LRP2: variants seen among roughly 807,000 people sequenced by gnomAD.
LRP2 encodes LDL receptor related protein 2, also known as low-density lipoprotein receptor-related protein 2.
LRP2 carries 172 observed loss-of-function variants against 531.0 expected under a neutral mutation model. That is an observed-to-expected ratio of 0.32 (90% CI 0.29 to 0.37). The LOEUF is 0.37. LRP2 is among the 10% of genes least tolerant of loss of function. LRP2 has a pLI of 1.00. For missense variants in LRP2, 5,167 were observed against 5,868.3 expected (o/e 0.88, Z 3.90); for synonymous variants, 1,992 against 2,027.6 (o/e 0.98, Z 0.47).
intron 4 of LRP2, among the ~76,000 whole-genome samples, chr2:169,296,083 A>C (rs1326219614): frequency 1.3e-5 from 2 of 152,100 alleles, no homozygotes; most frequent in Non-Finnish European, 2.9e-5. Flanking sequence ...CTGTGCTGAA[A>C]CTGTACTAAA....
chr2:169,199,973 G>A (rs895982409), intron 44 of LRP2, among the ~76,000 whole-genome samples: 2 of 152,100 alleles, frequency 1.3e-5, no homozygotes, highest in Admixed American at 6.6e-5. Flanking sequence ...TTTTCTGGCC[G>A]GGTGCAGTGG....
chr2:169,342,367 C>T (rs1039121607), intron 1 of LRP2, among the ~76,000 whole-genome samples: 3 of 152,124 alleles, frequency 2.0e-5, no homozygotes, highest in East Asian at 3.8e-4. Context: ...TGGTGACTCT[C>T]TCCTTTTCTC....
chr2:169,173,325 G>T lies in LRP2; in HGVS notation c.11015-101C>A, dbSNP rs1687070439. ...GGTACTGAGGAATAACAATGACCAT[G>T]TTACCAAGCAAACCGCCTCTGGCGA... On this transcript the variant is annotated intron_variant, in intron 56 of 78. Coordinates refer to ENST00000649046, the MANE Select transcript of LRP2 (RefSeq NM_004525.3). 1.2e-5 allele frequency: 17 copies of T among 1,452,526 alleles called. No individual in the cohort carries two copies. The South Asian group carries it at 1.9e-4, about 16-fold the overall frequency. The allele number at this position is 1,452,526 out of a possible 1,614,324, so 90.0% of individuals were successfully genotyped here.
At chr2:169,237,434 A>G (rs1215111821) in intron 27 of LRP2, 147 bp from the exon 28 acceptor site, 1 of 650,730 alleles carries the variant, frequency 1.5e-6, no homozygotes, top group African/African-American at 1.8e-5. Flanking sequence ...CATGTAGCTA[A>G]CCACCAAATC....
In LRP2 at chr2:169,246,855, C is replaced by T. The variant is rs781041064; in HGVS notation, c.3040G>A (p.Glu1014Lys). ...MRLASNHLTCEGDPTNEPPTE... is the reference protein window; with the variant it reads ...MRLASNHLTCKGDPTNEPPTE... ...GGTGGTTCATTGGTTGGGTCCCCCT[C>T]GCATGTCAAGTGATTGGAAGCCAGC... The change falls in exon 21 of 79, where the codon GAG becomes AAG. Residue 1014 changes from glutamate (E) to lysine (K), a missense_variant. By Grantham distance (56) the Glu-to-Lys change is moderately conservative (BLOSUM62 1). Around this residue, in one of 6 missense-constraint regions of LRP2, gnomAD observed 2,811 missense variants for 3,058.0 expected, o/e 0.92. Transcript: ENST00000649046. The T allele has an allele frequency of 1.0e-4, 165 of 1,614,038 alleles. No individual in the cohort carries two copies. Among genetic ancestry groups the T allele is most frequent in the Non-Finnish European group, 1.4e-4 (160 of 1,180,042 alleles).
chr2:169,277,647 C>G lies in LRP2; in HGVS notation c.1772+98G>C, dbSNP rs188172014. On this transcript the variant is annotated intron_variant, in intron 13 of 78. Transcript: ENST00000649046. The stretch of plus-strand genomic sequence containing the variant: ...AAAGCTATCATGTCCACCAACAAAG[C>G]AATATTTTAATTCTGGTCCTTTGAT... 389 of 1,087,510 alleles carry G rather than the reference C, an allele frequency of 3.6e-4. 4 individuals are homozygous for G. In the African/African-American group the frequency reaches 5.4e-3, roughly 15 times the overall value. 67.4% of individuals were successfully genotyped at this position (1,087,510 alleles called of 1,614,324 possible).
chr2:169,198,720 T>A, intron 45 of LRP2, 66 bp downstream of exon 45: 1 of 1,587,608 alleles, frequency 6.3e-7, no homozygotes, highest in Non-Finnish European at 8.6e-7. Context: ...ACGCTTCATA[T>A]CTTTGTATTA....
At chr2:169,257,587 A>G (rs1690354522) in intron 17 of LRP2, among the ~76,000 whole-genome samples, 1 of 152,140 alleles carries the variant, frequency 6.6e-6, no homozygotes, top group Admixed American at 6.6e-5. Context: ...TTATTAAAAT[A>G]AAATAATAAA....
intron 1 of LRP2, among the ~76,000 whole-genome samples, chr2:169,325,416 C>T (rs1685022552): frequency 1.3e-5 from 2 of 152,272 alleles, no homozygotes; most frequent in South Asian, 4.1e-4. Context: ...TTAACTTATC[C>T]ATAATTTTTG....
chr2:169,299,155 GAA>G (rs1348985286), intron 4 of LRP2, among the ~76,000 whole-genome samples: 1 of 23,442 alleles, frequency 4.3e-5, no homozygotes, highest in African/African-American at 1.1e-4. Context: ...AAGAAAGAAA[GAA>G]AAAAAGAAAG....
At chr2:169,215,980 G>A (rs956167803) in intron 35 of LRP2, among the ~76,000 whole-genome samples, 5 of 151,568 alleles carry the variant, frequency 3.3e-5, no homozygotes, top group African/African-American at 4.9e-5. Context: ...AATGACAAAT[G>A]GAATTAATTT....
intron 11 of LRP2, 46 bp from the exon 12 acceptor site, chr2:169,279,641 T>A: frequency 8.3e-7 from 1 of 1,210,118 alleles, no homozygotes; most frequent in Non-Finnish European, 1.2e-6. Context: ...CATCACTAAC[T>A]ACGTGGTTTG....
At chr2:169,323,947 C>A (rs894008584) in intron 1 of LRP2, among the ~76,000 whole-genome samples, 1 of 151,902 alleles carries the variant, frequency 6.6e-6, no homozygotes, top group Non-Finnish European at 1.5e-5. Context: ...AAGAACCAGG[C>A]AATCATCACA....
Position 169,173,140 on chromosome 2 carries a change from T to C in LRP2, c.11099A>G (p.Asn3700Ser), listed in dbSNP as rs1393906845. The C allele has an allele frequency of 8.7e-6, 14 of 1,614,166 alleles. No individual in the cohort carries two copies. Among genetic ancestry groups the C allele is most frequent in the Non-Finnish European group, 1.2e-5 (14 of 1,180,026 alleles). Residue 3700 changes from asparagine to serine, a missense_variant, in exon 57 of 79, where the codon AAT becomes AGT. Asn to Ser is a conservative substitution (Grantham distance 46). Around this residue, in one of 6 missense-constraint regions of LRP2, gnomAD observed 311 missense variants for 309.4 expected, o/e 1.01. Transcript: ENST00000649046. ...GTTGTCCCTGCAGTCATCTACACCA[T>C]TGCACACGGCCCACTTTGGGATGCA... The part of the protein sequence containing the change: ...YRCIPKWAVC[N>S]GVDDCRDNSD...
intron 4 of LRP2, among the ~76,000 whole-genome samples, chr2:169,305,510 A>G (rs1684392139): frequency 1.3e-5 from 2 of 152,220 alleles, no homozygotes; most frequent in South Asian, 4.1e-4. Flanking sequence ...GAGAACTAAA[A>G]TTAAATCAAA....
chr2:169,173,583 G>C (rs62172588), intron 56 of LRP2, among the ~76,000 whole-genome samples: 1 of 152,078 alleles, frequency 6.6e-6, no homozygotes. Flanking sequence ...AAATGGAATT[G>C]GTTCACACCC....
At chr2:169,226,802 G>A (rs1041588412) in intron 31 of LRP2, among the ~76,000 whole-genome samples, 3 of 152,060 alleles carry the variant, frequency 2.0e-5, no homozygotes, top group African/African-American at 4.8e-5. Flanking sequence ...CACATACAAC[G>A]CTGTCTGGAC....
At chr2:169,173,684 G>C (rs958541455) in intron 56 of LRP2, among the ~76,000 whole-genome samples, 7 of 152,132 alleles carry the variant, frequency 4.6e-5, no homozygotes, top group African/African-American at 1.7e-4. Context: ...ATTCTGGTTG[G>C]TTAGACATTC....
chr2:169,353,594 T>A (rs533489772), intron 1 of LRP2, among the ~76,000 whole-genome samples: 5 of 152,222 alleles, frequency 3.3e-5, no homozygotes, highest in Non-Finnish European at 7.3e-5. Context: ...CATGCTAGCA[T>A]GTATCACCCC....
Sources: allele counts gnomAD v4.1 joint callset (sites outside exome capture counted in the v4.1 genomes callset), GRCh38; gene constraint gnomAD v4.1.1; regional missense constraint gnomAD v4.1.1; transcripts MANE v1.5; gene names NCBI Gene and HGNC (gene_info 2026-07-23, HGNC 2026-07-21).